The following RCOR3 variants were observed in gnomAD, a reference collection of about 807,000 sequenced individuals.
RCOR3 encodes the protein REST corepressor 3.
Under a neutral mutation model 64.1 loss-of-function variants are expected in RCOR3, and 13 were observed. The ratio of observed to expected loss-of-function variants is 0.20; its 90% CI spans 0.13 to 0.32. The LOEUF (loss-of-function observed/expected upper bound fraction) is 0.32. Ranked by LOEUF, RCOR3 falls within the 10% of genes least tolerant of loss-of-function variation. RCOR3 has a pLI of 1.00. For missense variants in RCOR3, 489 were observed against 701.2 expected (o/e 0.70, Z 3.42); for synonymous variants, 215 against 239.0 (o/e 0.90, Z 0.93).
chr1:211,265,413 T>G (rs1290171812), intron 2 of RCOR3, among the ~76,000 whole-genome samples: 5 of 152,156 alleles, frequency 3.3e-5, no homozygotes, highest in Non-Finnish European at 7.4e-5. Context: ...ATAATTTTTT[T>G]TGTGCTTTGA....
chr1:211,263,831 GT>G (rs1694766614), intron 2 of RCOR3, among the ~76,000 whole-genome samples: 1 of 140,394 alleles, frequency 7.1e-6, no homozygotes, highest in Non-Finnish European at 1.6e-5. Context: ...TTTTTTTTTT[GT>G]TTTTTTTAGG....
At chr1:211,269,724 T>C (rs943198298) in intron 2 of RCOR3, among the ~76,000 whole-genome samples, 3 of 152,230 alleles carry the variant, frequency 2.0e-5, no homozygotes, top group African/African-American at 4.8e-5. Context: ...GGCACGTAAC[T>C]TGGCTCTGGC....
chr1:211,299,663 G>A (rs568469910), intron 9 of RCOR3, among the ~76,000 whole-genome samples: 1 of 152,262 alleles, frequency 6.6e-6, no homozygotes, highest in South Asian at 2.1e-4. Context: ...TGAAAATGCC[G>A]AATTCACTAA....
rs1028974028 is a variant in RCOR3 at position 211,259,988 on chromosome 1, C to A, written c.167-120C>A. 8 of 1,234,678 alleles carry A rather than the reference C, an allele frequency of 6.5e-6. No individual in the cohort carries two copies. In the African/African-American group the frequency reaches 1.2e-4, roughly 18 times the overall value. 76.5% of individuals were successfully genotyped at this position (1,234,678 alleles called of 1,614,324 possible). On this transcript the variant is annotated intron_variant, in intron 1 of 11. Coordinates refer to ENST00000419091, the MANE Select transcript of RCOR3 (RefSeq NM_001136223.3). Reference sequence around the variant, plus strand: ...CCGGAGTGCCCCGAGTTGATATCTTCCCATCCACCCGCCGCTTCTTTCCTC... The same window carrying A: ...CCGGAGTGCCCCGAGTTGATATCTTACCATCCACCCGCCGCTTCTTTCCTC...
At chr1:211,307,711 C>A (rs563719983) in intron 10 of RCOR3, among the ~76,000 whole-genome samples, 20 of 151,848 alleles carry the variant, frequency 1.3e-4, no homozygotes, top group African/African-American at 4.6e-4. Flanking sequence ...TAAATATATT[C>A]ATTTCCTAGT....
chr1:211,274,637 T>G (rs1696695353), intron 4 of RCOR3, among the ~76,000 whole-genome samples: 1 of 152,032 alleles, frequency 6.6e-6, no homozygotes, highest in Non-Finnish European at 1.5e-5. Flanking sequence ...TATAAAAAAT[T>G]TTAATGATAC....
chr1:211,265,580 G>A (rs78798498), intron 2 of RCOR3, among the ~76,000 whole-genome samples: 13,733 of 152,116 alleles, frequency 0.09, 1,401 homozygotes, highest in East Asian at 0.56. Context: ...TCAGCTGGGC[G>A]TGGTAGTGGG....
chr1:211,262,931 T>C (rs980812087), intron 2 of RCOR3, among the ~76,000 whole-genome samples: 3 of 151,714 alleles, frequency 2.0e-5, no homozygotes, highest in Admixed American at 6.6e-5. Flanking sequence ...TGCAGGTTAG[T>C]TACATATGTA....
At chr1:211,308,051 T>A (rs1701040128) in intron 10 of RCOR3, among the ~76,000 whole-genome samples, 1 of 152,158 alleles carries the variant, frequency 6.6e-6, no homozygotes, top group South Asian at 2.1e-4. Context: ...AAAGTAGATT[T>A]GGCAGTTGAT....
rs1701602829 is a variant in RCOR3 at position 211,312,556 on chromosome 1, A to T, written c.1076-164A>T. ...TGAAATGACATAACTGATAGTTTTC[A>T]TCTGTGACCCTGATATCTTAGCCTC... On this transcript the variant is annotated intron_variant, in intron 10 of 11. Coordinates refer to ENST00000419091, the MANE Select transcript of RCOR3 (RefSeq NM_001136223.3). This position sits in a 1 kb window ranked among gnomAD's most constrained non-coding sequence, Gnocchi z 5.0. 1.5e-6 allele frequency: 1 copy of T among 669,536 alleles called. No homozygotes were observed. The highest frequency in any genetic ancestry group is 2.7e-6 in the Non-Finnish European group (1 of 372,448). The allele number at this position is 669,536 out of a possible 1,614,324, so 41.5% of individuals were successfully genotyped here. A position where few individuals can be genotyped will look rare whatever the true frequency, so the allele number is the denominator to read the frequency against.
chr1:211,267,792 T>C, intron 2 of RCOR3: 1 of 339,884 alleles, frequency 2.9e-6, no homozygotes, highest in East Asian at 1.2e-4. Flanking sequence ...AAGGTCTTGC[T>C]ATGTTTCCCA....
At chr1:211,260,724 A>G (rs978328461) in intron 2 of RCOR3, among the ~76,000 whole-genome samples, 5 of 139,774 alleles carry the variant, frequency 3.6e-5, no homozygotes. Context: ...TGCGGAGTGC[A>G]GGAGCCGCGG....
intron 2 of RCOR3, among the ~76,000 whole-genome samples, chr1:211,263,118 C>T (rs866203877): frequency 1.1e-4 from 16 of 145,484 alleles, no homozygotes; most frequent in Admixed American, 3.6e-4. Context: ...TGAGAACATG[C>T]GGTGTTTGGT....
At chr1:211,308,661 G>GTTTTTTTGTTTTTT (rs1701115898) in intron 10 of RCOR3, among the ~76,000 whole-genome samples, 1 of 27,494 alleles carries the variant, frequency 3.6e-5, no homozygotes, top group African/African-American at 1.1e-4. Context: ...TTTTGGATGT[G>GTTTTTTTGTTTTTT]TTTTTTTTTT....
At chr1:211,295,849 A>G in intron 9 of RCOR3, 96 bp downstream of exon 9, 1 of 791,094 alleles carries the variant, frequency 1.3e-6, no homozygotes, top group Non-Finnish European at 2.1e-6. Context: ...ATGCATCATT[A>G]ATACTTTGAA....
At chr1:211,279,152 A>G in intron 6 of RCOR3, 86 bp from the exon 7 acceptor site, 1 of 855,664 alleles carries the variant, frequency 1.2e-6, no homozygotes, top group Admixed American at 2.4e-5. Flanking sequence ...ATGCCATTGC[A>G]CTCCAGCCTG....
rs1701730261 is a variant in RCOR3 at position 211,313,920 on chromosome 1, A to C, written c.*152A>C. 6 of 754,516 alleles carry C rather than the reference A, an allele frequency of 8.0e-6. No homozygotes were observed. Among genetic ancestry groups the C allele is most frequent in the South Asian group, 1.9e-5 (1 of 51,836 alleles). The allele number at this position is 754,516 out of a possible 1,614,324, so 46.7% of individuals were successfully genotyped here. On this transcript the variant is annotated 3_prime_UTR_variant, in exon 12 of 12. Transcript: ENST00000419091. The surrounding 1 kb of genome is among the most constrained non-coding windows in gnomAD (Gnocchi z 4.7). ...GTGGACTAGCATAAGTGGATGTCTA[A>C]GAAATTTTTCAGTTCACTAGACTAA...
rs542526929 is a variant in RCOR3, at chr1:211,268,006, G to T, written c.224-3226G>T. ...ACTTTCTGTAAGGCAAGAATGAGAT[G>T]CAGGGAAATTATGTTTAAATATTTA... On this transcript the variant is annotated intron_variant, in intron 2 of 11. Transcript: ENST00000419091. The T allele has an allele frequency of 5.0e-4, 143 of 283,248 alleles. 2 individuals carry two copies. Among genetic ancestry groups the T allele is most frequent in the South Asian group, 2.5e-3 (90 of 36,664 alleles). 17.5% of individuals were successfully genotyped at this position (283,248 alleles called of 1,614,324 possible).
chr1:211,299,244 G>GGAATGGA (rs1461018802), intron 9 of RCOR3, among the ~76,000 whole-genome samples: 1 of 152,158 alleles, frequency 6.6e-6, no homozygotes, highest in Non-Finnish European at 1.5e-5. Flanking sequence ...ATTAGTTATA[G>GGAATGGA]GAATGGAAGC....
Sources: allele counts gnomAD v4.1 joint callset (sites outside exome capture counted in the v4.1 genomes callset), GRCh38; gene constraint gnomAD v4.1.1; non-coding constraint Gnocchi (gnomAD v3.1); transcripts MANE v1.5; gene names NCBI Gene and HGNC (gene_info 2026-07-23, HGNC 2026-07-21).